CYP4Z1: variants seen among roughly 807,000 people sequenced by gnomAD.
CYP4Z1 encodes the protein cytochrome P450 family 4 subfamily Z member 1, also known as cytochrome P450 4Z1.
A neutral mutation model predicts 54.2 loss-of-function variants in CYP4Z1; 41 were observed. The observed-to-expected ratio is 0.76, with a 90% confidence interval of 0.59 to 0.98. CYP4Z1 has a LOEUF of 0.98. CYP4Z1 is among the 50% of genes least tolerant of loss of function. CYP4Z1 has a pLI of 0.00. For synonymous variants in CYP4Z1, 163 were observed against 206.2 expected (o/e 0.79, Z 1.79); for missense variants, 513 against 599.0 (o/e 0.86, Z 1.50).
At chr1:47,057,740 G>T in the CYP4Z1 span, among the ~76,000 whole-genome samples, 4 of 151,534 alleles carry the variant, frequency 2.6e-5, no homozygotes, top group African/African-American at 9.7e-5. Flanking sequence ...AAAATCATTT[G>T]TAAATATTTA....
chr1:47,076,470 G>C (rs1409975410), intron 2 of CYP4Z1, among the ~76,000 whole-genome samples: 1 of 151,306 alleles, frequency 6.6e-6, no homozygotes, highest in Non-Finnish European at 1.5e-5. Flanking sequence ...ATAACATTGG[G>C]TAAGTTGTTT....
chr1:47,106,962 C>T (rs1644761428), intron 9 of CYP4Z1, among the ~76,000 whole-genome samples: 1 of 152,214 alleles, frequency 6.6e-6, no homozygotes, highest in Non-Finnish European at 1.5e-5. Context: ...TCTACAACTT[C>T]CTCCAATTTA....
chr1:47,058,991 T>C, the CYP4Z1 span, among the ~76,000 whole-genome samples: 3 of 152,198 alleles, frequency 2.0e-5, no homozygotes, highest in Non-Finnish European at 2.9e-5. Context: ...ATAGTATGTA[T>C]TTGCCCAACT....
chr1:47,097,241 T>G (rs1428416446), intron 7 of CYP4Z1: 1 of 152,250 alleles, frequency 6.6e-6, no homozygotes, highest in Non-Finnish European at 1.5e-5. Context: ...ATTCCATGTC[T>G]TTGCTATTGT....
chr1:47,092,119 T>C lies in CYP4Z1; in HGVS notation c.773-2447T>C, dbSNP rs535690896. Among the ~76,000 whole-genome samples, 7 of 152,002 alleles carry C rather than the reference T, an allele frequency of 4.6e-5. No individual in the cohort carries two copies. In the South Asian group the frequency reaches 1.5e-3, roughly 32 times the overall value. On this transcript the variant is annotated intron_variant, in intron 6 of 11. Coordinates refer to ENST00000334194, the MANE Select transcript of CYP4Z1 (RefSeq NM_178134.3). ...ACCTCCACCTCTGGGGGCACTTCCATCTCCAGTGATCTGTGCCACAGGCTG... is the reference window on the plus strand; with the variant it reads ...ACCTCCACCTCTGGGGGCACTTCCACCTCCAGTGATCTGTGCCACAGGCTG...
At chr1:47,115,678 A>T in intron 10 of CYP4Z1, 85 bp downstream of exon 10, 1 of 1,266,520 alleles carries the variant, frequency 7.9e-7, no homozygotes, top group Non-Finnish European at 1.1e-6. Context: ...GAGAGCAGTT[A>T]GGATAACGAT....
In CYP4Z1 at chr1:47,080,680, G is replaced by C. The variant is rs1366550739; in HGVS notation, c.364+13G>C. On this transcript the variant is annotated intron_variant, in intron 3 of 11. Transcript: ENST00000334194. The stretch of plus-strand genomic sequence containing the variant: ...GAATCCTGGGTTGGTATGTGTATTA[G>C]TCCATTCTCATTCTGCTATAAAGAC... The C allele has an allele frequency of 8.0e-5, 1 of 12,476 alleles. No individual in the cohort carries two copies. The highest frequency in any genetic ancestry group is 1.2e-3 in the South Asian group (1 of 826). The allele number at this position is 12,476 out of a possible 1,614,324, so 0.8% of individuals were successfully genotyped here.
chr1:47,063,144 A>C (rs1644432597), upstream of CYP4Z1, among the ~76,000 whole-genome samples: 2 of 152,062 alleles, frequency 1.3e-5, no homozygotes, highest in African/African-American at 4.8e-5. Flanking sequence ...AAAAATAATC[A>C]CTACAGTTTG....
upstream of CYP4Z1, among the ~76,000 whole-genome samples, chr1:47,063,930 A>T (rs1458083943): frequency 1.3e-5 from 2 of 152,196 alleles, no homozygotes; most frequent in Non-Finnish European, 2.9e-5. Context: ...TCACCTAGGC[A>T]CATAGCCATC....
rs145305796 is a variant in CYP4Z1, at chr1:47,115,862, C to T, written c.1266+269C>T. ...GTCAACTGACACTGCACTGTTTAACCACCTTGCTCTCTGCTTTCATTCATG... is the reference window on the plus strand; with the variant it reads ...GTCAACTGACACTGCACTGTTTAACTACCTTGCTCTCTGCTTTCATTCATG... On this transcript the variant is annotated intron_variant, in intron 10 of 11. Transcript: ENST00000334194. 4.8e-3 allele frequency among the ~76,000 whole-genome samples: 737 copies of T among 152,318 alleles called. 13 individuals carry two copies. The highest frequency in any genetic ancestry group is 0.045 in the East Asian group (236 of 5,188).
intron 6 of CYP4Z1, among the ~76,000 whole-genome samples, chr1:47,089,384 G>T (rs1644621972): frequency 1.3e-5 from 2 of 151,726 alleles, no homozygotes; most frequent in Non-Finnish European, 2.9e-5. Context: ...TAATAATTAG[G>T]CAAAATATTA....
At chr1:47,064,642 AAAAC>A (rs1644440541), upstream of CYP4Z1, among the ~76,000 whole-genome samples, 1 of 152,198 alleles carries the variant, frequency 6.6e-6, no homozygotes, top group African/African-American at 2.4e-5. Flanking sequence ...CAATTAAAAA[AAAAC>A]AAGGTTATTC....
intron 6 of CYP4Z1, among the ~76,000 whole-genome samples, chr1:47,092,028 G>A (rs867885469): frequency 3.3e-5 from 5 of 151,944 alleles, no homozygotes; most frequent in African/African-American, 1.2e-4. Flanking sequence ...CACTGGAGTC[G>A]GCATTTGAGT....
At chr1:47,088,602 A>AT (rs879920411) in intron 6 of CYP4Z1, among the ~76,000 whole-genome samples, 29 of 141,488 alleles carry the variant, frequency 2.0e-4, no homozygotes, top group African/African-American at 4.0e-4. Context: ...TGATTCTCCA[A>AT]TTTTTTTTTG....
chr1:47,099,570 C>T (rs974455718), intron 8 of CYP4Z1, among the ~76,000 whole-genome samples: 22 of 152,060 alleles, frequency 1.4e-4, no homozygotes, highest in African/African-American at 4.1e-4. Flanking sequence ...TTTTATGTCA[C>T]GGAAGGCAGG....
At chr1:47,098,129 TAA>T (rs986468792) in intron 7 of CYP4Z1, among the ~76,000 whole-genome samples, 1 of 152,212 alleles carries the variant, frequency 6.6e-6, no homozygotes, top group African/African-American at 2.4e-5. Context: ...ATATGAATTT[TAA>T]AAGTTTTTTC....
chr1:47,088,203 G>A (rs1385908179), intron 6 of CYP4Z1, among the ~76,000 whole-genome samples: 1 of 152,128 alleles, frequency 6.6e-6, no homozygotes. Context: ...GATGATGCTG[G>A]CCTCATAAAA....
intron 8 of CYP4Z1, among the ~76,000 whole-genome samples, chr1:47,101,695 T>TG (rs1378253050): frequency 6.6e-6 from 1 of 152,180 alleles, no homozygotes; most frequent in East Asian, 1.9e-4. Context: ...ATATTCCATG[T>TG]GCTGATAAGA....
intron 2 of CYP4Z1, among the ~76,000 whole-genome samples, chr1:47,077,847 G>T (rs1199844819): frequency 6.6e-6 from 1 of 151,970 alleles, no homozygotes; most frequent in East Asian, 1.9e-4. Context: ...TCAAACTGCT[G>T]GCTTCAAACA....
Sources: allele counts gnomAD v4.1 joint callset (sites outside exome capture counted in the v4.1 genomes callset), GRCh38; gene constraint gnomAD v4.1.1; transcripts MANE v1.5; gene names NCBI Gene and HGNC (gene_info 2026-07-23, HGNC 2026-07-21).